Variants in CTIF observed in about 807,000 individuals in gnomAD.
CTIF encodes CBP80/20-dependent translation initiation factor.
In CTIF, 21 loss-of-function variants were observed where a neutral mutation model predicts 66.0. That is an observed-to-expected ratio of 0.32 (90% CI 0.23 to 0.46). The LOEUF (loss-of-function observed/expected upper bound fraction) is 0.46, where lower values mean the gene tolerates loss of function less well. CTIF is among the 20% of genes least tolerant of loss of function. The pLI is 1.00. For synonymous variants in CTIF, 345 were observed against 326.4 expected, an observed-to-expected ratio of 1.06 and a Z score of -0.62; for missense variants, 739 against 812.7, an observed-to-expected ratio of 0.91 and a Z score of 1.10.
intron 6 of CTIF, among the ~76,000 whole-genome samples, chr18:48,672,842 G>T (rs921698829): frequency 1.3e-5 from 2 of 152,098 alleles, no homozygotes; most frequent in Non-Finnish European, 2.9e-5. Context: ...CAGGCAGGAG[G>T]CTTTGTGATG....
chr18:48,591,079 G>A (rs186804757), intron 1 of CTIF, among the ~76,000 whole-genome samples: 53 of 152,306 alleles, frequency 3.5e-4, no homozygotes, highest in African/African-American at 1.3e-3. Context: ...ACCAACCTGG[G>A]AAGTGTGGGA....
chr18:48,811,507 C>A (rs184596064), intron 9 of CTIF, among the ~76,000 whole-genome samples: 1 of 152,272 alleles, frequency 6.6e-6, no homozygotes, highest in Non-Finnish European at 1.5e-5. Context: ...TGCAACCAGT[C>A]TCTAAAACTT....
intron 7 of CTIF, among the ~76,000 whole-genome samples, chr18:48,750,195 A>G (rs1248272247): frequency 6.6e-6 from 1 of 152,322 alleles, no homozygotes; most frequent in East Asian, 1.9e-4. Flanking sequence ...AGGCCACCCT[A>G]AGAACCTGAG....
intron 1 of CTIF, among the ~76,000 whole-genome samples, chr18:48,590,929 TCAGCCAGACA>T (rs11279674): frequency 0.019 from 2,814 of 150,838 alleles, 85 homozygotes; most frequent in African/African-American, 0.065. Flanking sequence ...AGAGTTGGAG[TCAGCCAGACA>T]CAGCCAGACA....
chr18:48,758,332 G>C lies in CTIF; in HGVS notation c.998G>C (p.Arg333Pro). 1 of 1,612,254 alleles carries C rather than the reference G, an allele frequency of 6.2e-7. No homozygotes were observed. Among genetic ancestry groups the C allele is most frequent in the African/African-American group, 1.3e-5 (1 of 75,022 alleles). The change falls in exon 8 of 12, where the codon CGC becomes CCC. Residue 333 changes from arginine to proline, a missense_variant. By Grantham distance (103) the Arg-to-Pro change is moderately radical. Around this residue, in one of 2 missense-constraint regions of CTIF, gnomAD observed 529 missense variants for 520.3 expected, o/e 1.02. Coordinates refer to ENST00000256413, the MANE Select transcript of CTIF (RefSeq NM_014772.3). ...CGTAAAGACAGTATTCTTCCCGAGC[G>C]CATCGGGGAGCGGCCCAAAATTACC... ...TKRKDSILPERIGERPKITLL... is the reference protein window; with the variant it reads ...TKRKDSILPEPIGERPKITLL...
intron 5 of CTIF, 177 bp from the exon 6 acceptor site, chr18:48,670,492 C>CCA: frequency 3.6e-6 from 2 of 557,760 alleles, no homozygotes; most frequent in Non-Finnish European, 6.5e-6. Context: ...AGGACCCCCC[C>CCA]CCCACACACA....
intron 1 of CTIF, among the ~76,000 whole-genome samples, chr18:48,548,317 AC>A (rs2088803788): frequency 6.6e-6 from 1 of 152,244 alleles, no homozygotes; most frequent in Non-Finnish European, 1.5e-5. Flanking sequence ...TTGCTGAGAT[AC>A]TTACACGTTT....
chr18:48,555,530 G>A (rs1431305360), intron 1 of CTIF, among the ~76,000 whole-genome samples: 1 of 152,184 alleles, frequency 6.6e-6, no homozygotes, highest in Non-Finnish European at 1.5e-5. Context: ...GAGAAGGTGG[G>A]GATGTTTCAT....
chr18:48,767,796 G>A (rs893562966), intron 9 of CTIF, among the ~76,000 whole-genome samples: 6 of 152,192 alleles, frequency 3.9e-5, no homozygotes, highest in Admixed American at 6.5e-5. Context: ...AAACTCTTCA[G>A]AGTTTCTGGC....
chr18:48,725,181 A>G (rs1260937098), intron 7 of CTIF, among the ~76,000 whole-genome samples: 1 of 152,186 alleles, frequency 6.6e-6, no homozygotes, highest in Non-Finnish European at 1.5e-5. Flanking sequence ...CTGAGCAGGA[A>G]GCTTGCTGCC....
intron 6 of CTIF, among the ~76,000 whole-genome samples, chr18:48,671,192 C>G (rs1271456054): frequency 2.0e-5 from 3 of 152,110 alleles, no homozygotes; most frequent in Non-Finnish European, 2.9e-5. Context: ...GTCTGCTATG[C>G]TTGCTCTTTT....
At chr18:48,594,034 G>C (rs1353000734) in intron 1 of CTIF, among the ~76,000 whole-genome samples, 1 of 152,118 alleles carries the variant, frequency 6.6e-6, no homozygotes, top group Non-Finnish European at 1.5e-5. Flanking sequence ...CCTCTCCTGT[G>C]CCACAGATCC....
intron 1 of CTIF, among the ~76,000 whole-genome samples, chr18:48,574,196 G>C (rs973503856): frequency 1.3e-5 from 2 of 152,238 alleles, no homozygotes; most frequent in African/African-American, 4.8e-5. Context: ...CTTCAGTTCA[G>C]ACAGATGCCA....
intron 5 of CTIF, among the ~76,000 whole-genome samples, chr18:48,670,306 G>A (rs943515028): frequency 6.6e-6 from 1 of 152,192 alleles, no homozygotes; most frequent in Non-Finnish European, 1.5e-5. Context: ...ATGTGACCTT[G>A]AGAAAGTTGC....
At chr18:48,607,528 C>T (rs1373586717) in intron 1 of CTIF, among the ~76,000 whole-genome samples, 1 of 152,202 alleles carries the variant, frequency 6.6e-6, no homozygotes, top group Non-Finnish European at 1.5e-5. Flanking sequence ...TTCTGGGAAT[C>T]CATCATGAAA....
intron 6 of CTIF, among the ~76,000 whole-genome samples, chr18:48,688,993 C>T (rs1169751333): frequency 1.3e-5 from 2 of 152,224 alleles, no homozygotes; most frequent in Admixed American, 1.3e-4. Context: ...CCGAGGTTCC[C>T]GGGGCCCCAC....
At chr18:48,784,819 G>T (rs1408118953) in intron 9 of CTIF, among the ~76,000 whole-genome samples, 1 of 152,198 alleles carries the variant, frequency 6.6e-6, no homozygotes, top group African/African-American at 2.4e-5. Context: ...ACAAGCAGGA[G>T]GACCGCTGGG....
intron 6 of CTIF, among the ~76,000 whole-genome samples, chr18:48,689,524 G>A (rs2091895817): frequency 6.6e-6 from 1 of 152,180 alleles, no homozygotes; most frequent in Admixed American, 6.5e-5. Flanking sequence ...GAAGGGTAAT[G>A]TCTAACAGCC....
intron 9 of CTIF, among the ~76,000 whole-genome samples, chr18:48,768,856 T>A (rs8098026): frequency 0.18 from 27,609 of 152,034 alleles, 4,237 homozygotes; most frequent in African/African-American, 0.42. Context: ...GAGAGCTAGG[T>A]CCCTGCTGTT....
Sources: gnomAD v4.1 joint callset for allele counts (sites outside exome capture counted in the v4.1 genomes callset) on GRCh38, gnomAD v4.1.1 for gene constraint, gnomAD v4.1.1 regional missense constraint, MANE v1.5 for transcripts, NCBI Gene and HGNC (gene_info 2026-07-23, HGNC 2026-07-21) for gene names.